ACKR3: variants seen among roughly 807,000 people sequenced by gnomAD.
The protein encoded by ACKR3 is atypical chemokine receptor 3.
A neutral mutation model predicts 22.4 loss-of-function variants in ACKR3; 6 were observed. The ratio of observed to expected loss-of-function variants is 0.27; its 90% CI spans 0.15 to 0.53. ACKR3 has a LOEUF of 0.53. ACKR3 is among the 20% of genes least tolerant of loss of function. ACKR3 has a pLI of 0.96. For synonymous variants in ACKR3, 209 were observed against 205.2 expected (o/e 1.02, Z -0.16); for missense variants, 396 against 475.2 (o/e 0.83, Z 1.55).
the ACKR3 span, among the ~76,000 whole-genome samples, chr2:236,540,414 T>G: frequency 4.6e-5 from 7 of 152,062 alleles, no homozygotes; most frequent in African/African-American, 1.4e-4. Context: ...TCTTTCTATA[T>G]TCTGGACACC....
At position 236,577,955 on chromosome 2, in the gene ACKR3, G is replaced by C. The variant is rs893442455; in HGVS notation, c.-26-2485G>C. Among the ~76,000 whole-genome samples the C allele has an allele frequency of 2.6e-5, 4 of 152,188 alleles. No homozygotes were observed. The highest frequency in any genetic ancestry group is 7.2e-5 in the African/African-American group (3 of 41,440). On this transcript the variant is annotated intron_variant, in intron 1 of 1. Coordinates refer to ENST00000272928, the MANE Select transcript of ACKR3 (RefSeq NM_020311.3). This position sits in a 1 kb window ranked among gnomAD's most constrained non-coding sequence, Gnocchi z 5.6. ...CTCCATTCAAGCTCCTCTGCTCCCC[G>C]GGACTCTGGGGTCAGATGAGATCAT...
chr2:236,569,043 A>T (rs979358067), upstream of ACKR3, among the ~76,000 whole-genome samples: 1 of 152,196 alleles, frequency 6.6e-6, no homozygotes, highest in African/African-American at 2.4e-5. Context: ...CGTGGGGGGA[A>T]CTTTAGCAAT....
upstream of ACKR3, among the ~76,000 whole-genome samples, chr2:236,565,730 A>G (rs1691163936): frequency 6.6e-6 from 1 of 152,118 alleles, no homozygotes; most frequent in South Asian, 2.1e-4. Context: ...AGGGAGGTAG[A>G]CTTTTCCCAC....
intron 1 of ACKR3, among the ~76,000 whole-genome samples, chr2:236,579,873 T>C (rs927243032): frequency 2.6e-5 from 4 of 152,244 alleles, no homozygotes; most frequent in Non-Finnish European, 4.4e-5. Flanking sequence ...CCCAGGTTTA[T>C]ATGTGAATTT....
chr2:236,568,258 G>A (rs1026717210), upstream of ACKR3, among the ~76,000 whole-genome samples: 2 of 152,246 alleles, frequency 1.3e-5, no homozygotes, highest in Non-Finnish European at 2.9e-5. Flanking sequence ...CGGAGTCACG[G>A]CTACAGCCAC....
chr2:236,571,630 A>C (rs1206092105), intron 1 of ACKR3, among the ~76,000 whole-genome samples: 2 of 151,386 alleles, frequency 1.3e-5, no homozygotes, highest in African/African-American at 4.8e-5. Flanking sequence ...AAAAAAAAAA[A>C]AAAAAAAAAA....
chr2:236,556,321 G>A, the ACKR3 span, among the ~76,000 whole-genome samples: 4 of 152,134 alleles, frequency 2.6e-5, no homozygotes, highest in African/African-American at 9.7e-5. Context: ...CTGAATAAGA[G>A]CCCCCAGAGA....
Position 236,580,996 on chromosome 2 carries a change from G to A in ACKR3, c.531G>A (p.Leu177=). 8.7e-6 allele frequency: 14 copies of A among 1,614,110 alleles called. No individual in the cohort carries two copies. Among genetic ancestry groups the A allele is most frequent in the Non-Finnish European group, 1.2e-5 (14 of 1,180,032 alleles). Residue 177 remains leucine (L), a synonymous_variant, in exon 2 of 2, where the codon CTG becomes CTA. Coordinates refer to ENST00000272928, the MANE Select transcript of ACKR3 (RefSeq NM_020311.3). The part of the protein sequence containing the change: ...LVWLLAFCVS[L]PDTYYLKTVT... ...GGCTGCTGGCCTTCTGCGTGTCTCT[G>A]CCTGACACCTACTACCTGAAGACCG... is the stretch of plus-strand genomic sequence containing the variant.
chr2:236,546,835 C>G, the ACKR3 span, among the ~76,000 whole-genome samples: 3 of 152,234 alleles, frequency 2.0e-5, no homozygotes, highest in Non-Finnish European at 4.4e-5. This position sits in a 1 kb window ranked among gnomAD's most constrained non-coding sequence, Gnocchi z 4.9. Context: ...TTCCTTTGCT[C>G]TGAATCCACC....
rs1041763159 is a variant in ACKR3, at chr2:236,582,089, T to C, written c.*535T>C. 1 of 164,542 alleles carries C rather than the reference T, an allele frequency of 6.1e-6. No individual in the cohort carries two copies. Among genetic ancestry groups the C allele is most frequent in the African/African-American group, 2.4e-5 (1 of 41,144 alleles). The allele number at this position is 164,542 out of a possible 1,614,324, so 10.2% of individuals were successfully genotyped here. On this transcript the variant is annotated 3_prime_UTR_variant, in exon 2 of 2. Transcript: ENST00000272928. Reference sequence around the variant, plus strand: ...ATATATATATAAATATATATAAATATATAAATATATGCCAGTCTTGGCTGA... The same window carrying C: ...ATATATATATAAATATATATAAATACATAAATATATGCCAGTCTTGGCTGA...
chr2:236,571,410 C>T (rs1302273048), intron 1 of ACKR3, among the ~76,000 whole-genome samples: 1 of 152,096 alleles, frequency 6.6e-6, no homozygotes, highest in Non-Finnish European at 1.5e-5. Context: ...GTTTGCTGCC[C>T]ATCAGCTTTT....
the ACKR3 span, among the ~76,000 whole-genome samples, chr2:236,561,371 C>T: frequency 6.6e-6 from 1 of 151,734 alleles, no homozygotes; most frequent in Non-Finnish European, 1.5e-5. Flanking sequence ...GAACAAGATC[C>T]TTCTCCATTT....
At chr2:236,537,293 C>G in the ACKR3 span, among the ~76,000 whole-genome samples, 1 of 152,196 alleles carries the variant, frequency 6.6e-6, no homozygotes, top group African/African-American at 2.4e-5. Context: ...GGCAGCCTGC[C>G]TTGGTCCTAA....
chr2:236,565,004 A>G (rs1691150364), upstream of ACKR3, among the ~76,000 whole-genome samples: 1 of 152,240 alleles, frequency 6.6e-6, no homozygotes, highest in Admixed American at 6.5e-5. Context: ...ACCTATGACT[A>G]TAAAACCTTT....
At chr2:236,556,361 A>G in the ACKR3 span, among the ~76,000 whole-genome samples, 1 of 152,124 alleles carries the variant, frequency 6.6e-6, no homozygotes, top group Non-Finnish European at 1.5e-5. Flanking sequence ...AGAACCTGTG[A>G]ATCGTCCCTT....
upstream of ACKR3, among the ~76,000 whole-genome samples, chr2:236,565,307 C>A (rs1669773): frequency 2.6e-5 from 4 of 152,062 alleles, no homozygotes; most frequent in African/African-American, 4.8e-5. Context: ...TTAAAATATG[C>A]GATTCCAGCG....
the ACKR3 span, among the ~76,000 whole-genome samples, chr2:236,544,625 G>A: frequency 2.6e-5 from 4 of 152,210 alleles, no homozygotes; most frequent in Admixed American, 2.0e-4. The surrounding 1 kb of genome is among the most constrained non-coding windows in gnomAD (Gnocchi z 5.0). Context: ...ATAGGGACGA[G>A]CAGATGTTGA....
At chr2:236,539,427 C>T in the ACKR3 span, among the ~76,000 whole-genome samples, 1 of 151,632 alleles carries the variant, frequency 6.6e-6, no homozygotes, top group Non-Finnish European at 1.5e-5. Flanking sequence ...ATTCTCCTGC[C>T]TCAGCCTCCC....
At position 236,580,853 on chromosome 2, in the gene ACKR3, G is replaced by A. The variant is rs1454101796; in HGVS notation, c.388G>A (p.Gly130Ser). ...CCTCATCTTCTCCATCAACCTCTTC[G>A]GCAGCATTTTCTTCCTCACGTGCAT... Reference protein sequence around the residue: ...THLIFSINLFGSIFFLTCMSV... With the variant: ...THLIFSINLFSSIFFLTCMSV... The change falls in exon 2 of 2, where the codon GGC (glycine) becomes AGC (serine). Residue 130 changes from glycine (G) to serine (S), a missense_variant. By Grantham distance (56) the Gly-to-Ser change is moderately conservative (BLOSUM62 0). Coordinates refer to ENST00000272928, the MANE Select transcript of ACKR3 (RefSeq NM_020311.3). 1.4e-5 allele frequency: 22 copies of A among 1,613,954 alleles called. No homozygotes were observed. Among genetic ancestry groups the A allele is most frequent in the African/African-American group, 2.7e-5 (2 of 74,870 alleles).
Sources: gnomAD v4.1 joint callset for allele counts (sites outside exome capture counted in the v4.1 genomes callset) on GRCh38, gnomAD v4.1.1 for gene constraint, Gnocchi (gnomAD v3.1) non-coding constraint, MANE v1.5 for transcripts, NCBI Gene and HGNC (gene_info 2026-07-23, HGNC 2026-07-21) for gene names.